Variants in PPFIBP2 observed in about 807,000 individuals in gnomAD.
PPFIBP2 encodes PPFIB scaffold protein 2, also known as liprin-beta-2.
In PPFIBP2, 118 loss-of-function variants were observed where a neutral mutation model predicts 118.3. The ratio of observed to expected loss-of-function variants is 1.00; its 90% CI spans 0.86 to 1.16. The LOEUF is 1.16. PPFIBP2 is among the 50% of genes most tolerant of loss of function. The probability of loss-of-function intolerance (pLI) is 0.00; values close to 1 mark genes in which losing one functional copy is unlikely to be tolerated. For synonymous variants in PPFIBP2, 414 were observed against 397.4 expected (o/e 1.04, Z -0.50); for missense variants, 1,195 against 1,073.1 (o/e 1.11, Z -1.59).
chr11:7,654,310 G>A (rs59758056), downstream of PPFIBP2, among the ~76,000 whole-genome samples: 25,269 of 152,150 alleles, frequency 0.17, 2,416 homozygotes, highest in East Asian at 0.41. Flanking sequence ...CTGGGACTGA[G>A]GTAGAGATGT....
At chr11:7,551,834 G>T (rs975656231) in intron 2 of PPFIBP2, among the ~76,000 whole-genome samples, 13 of 152,182 alleles carry the variant, frequency 8.5e-5, no homozygotes, top group African/African-American at 3.1e-4. Context: ...AATTCATTTT[G>T]TCTCTGAGAG....
downstream of PPFIBP2, among the ~76,000 whole-genome samples, chr11:7,660,831 T>C (rs971299071): frequency 6.6e-6 from 1 of 151,700 alleles, no homozygotes; most frequent in African/African-American, 2.4e-5. Flanking sequence ...CAGATCCTGT[T>C]ATTGGTGCAT....
chr11:7,559,144 A>G (rs1371963177), intron 2 of PPFIBP2, among the ~76,000 whole-genome samples: 3 of 152,228 alleles, frequency 2.0e-5, no homozygotes, highest in Non-Finnish European at 4.4e-5. Context: ...GCTCAAAATG[A>G]AATAAATAGA....
downstream of PPFIBP2, among the ~76,000 whole-genome samples, chr11:7,657,663 G>A (rs1014646011): frequency 6.6e-6 from 1 of 152,076 alleles, no homozygotes; most frequent in Non-Finnish European, 1.5e-5. Flanking sequence ...GTCTGCTCAG[G>A]CCCTTCCCTC....
chr11:7,523,403 C>G (rs1849938976), intron 1 of PPFIBP2, among the ~76,000 whole-genome samples: 2 of 152,206 alleles, frequency 1.3e-5, no homozygotes, highest in Non-Finnish European at 2.9e-5. Context: ...AACATATACA[C>G]AAAGAATACT....
intron 5 of PPFIBP2, among the ~76,000 whole-genome samples, chr11:7,608,644 AAAAC>A (rs71470486): frequency 0.092 from 13,973 of 152,208 alleles, 722 homozygotes; most frequent in Non-Finnish European, 0.11. Flanking sequence ...CTGTCTCAAA[AAAAC>A]AAACAAACAA....
downstream of PPFIBP2, among the ~76,000 whole-genome samples, chr11:7,659,738 C>G (rs1590848315): frequency 1.0e-5 from 1 of 97,424 alleles, no homozygotes; most frequent in African/African-American, 3.3e-5. Context: ...TTACCTTGGG[C>G]AGTATGGCCA....
intron 1 of PPFIBP2, among the ~76,000 whole-genome samples, chr11:7,527,655 G>A (rs141413634): frequency 3.3e-5 from 5 of 152,176 alleles, no homozygotes; most frequent in African/African-American, 1.2e-4. Flanking sequence ...AAAGATGTTG[G>A]GGGGGCCTGG....
At chr11:7,664,740 C>A in the PPFIBP2 span, among the ~76,000 whole-genome samples, 4 of 151,862 alleles carry the variant, frequency 2.6e-5, no homozygotes, top group African/African-American at 9.7e-5. Context: ...GTGGGGTCTC[C>A]CTTGAAAGCA....
intron 22 of PPFIBP2, 132 bp downstream of exon 22, chr11:7,651,097 A>T: frequency 1.0e-6 from 1 of 960,776 alleles, no homozygotes. Context: ...GCATAATTTG[A>T]TGTCTCAAAG....
At chr11:7,562,932 TATATATATATATATA>T (rs1854473205) in intron 2 of PPFIBP2, among the ~76,000 whole-genome samples, 1 of 3,628 alleles carries the variant, frequency 2.8e-4, no homozygotes, top group African/African-American at 1.5e-3. Flanking sequence ...TAAAGTTTTA[TATATATATATATATA>T]TATATATATA....
At position 7,648,504 on chromosome 11, in the gene PPFIBP2, C is replaced by A. The variant is rs753661004; in HGVS notation, c.1764C>A (p.Thr588=). The change falls in exon 18 of 24, where the codon ACC becomes ACA. Residue 588 remains threonine (T), a synonymous_variant. Transcript: ENST00000299492. ...FARQWVSSGH[T]LLTATPQDME... ...GGCAGTGGGTATCTTCTGGCCACACCTTATTGACAGCCACCCCTCAGGACA... is the reference window on the plus strand; with the variant it reads ...GGCAGTGGGTATCTTCTGGCCACACATTATTGACAGCCACCCCTCAGGACA... 19 of 1,613,958 alleles carry A rather than the reference C, an allele frequency of 1.2e-5. No individual in the cohort carries two copies. The highest frequency in any genetic ancestry group is 1.6e-4 in the Middle Eastern group (1 of 6,084).
Position 7,641,474 on chromosome 11 carries a change from C to A in PPFIBP2, c.1376-5C>A, listed in dbSNP as rs1335742279. ...TTCACATTCATTGCCTTCTTCCAATCTCAGGAGACACAGAAAGTGGCTGGG... is the reference window on the plus strand; with the variant it reads ...TTCACATTCATTGCCTTCTTCCAATATCAGGAGACACAGAAAGTGGCTGGG... On this transcript the variant is annotated splice_polypyrimidine_tract_variant and splice_region_variant and intron_variant, in intron 15 of 23. Transcript: ENST00000299492. 6.2e-7 allele frequency: 1 copy of A among 1,613,876 alleles called. No homozygotes were observed. The highest frequency in any genetic ancestry group is 8.5e-7 in the Non-Finnish European group (1 of 1,179,840).
chr11:7,544,645 G>A (rs966712612), intron 1 of PPFIBP2, among the ~76,000 whole-genome samples: 1 of 151,674 alleles, frequency 6.6e-6, no homozygotes, highest in Admixed American at 6.6e-5. Context: ...GTGGTGGCGG[G>A]CACCTGTAGT....
At chr11:7,525,841 G>A (rs969572403) in intron 1 of PPFIBP2, among the ~76,000 whole-genome samples, 2 of 152,218 alleles carry the variant, frequency 1.3e-5, no homozygotes. Flanking sequence ...GCCACACCTG[G>A]AGTGTGCAAA....
chr11:7,634,893 G>A (rs1851244461), intron 13 of PPFIBP2, among the ~76,000 whole-genome samples: 1 of 152,156 alleles, frequency 6.6e-6, no homozygotes, highest in Non-Finnish European at 1.5e-5. Flanking sequence ...AGCCAGGGAA[G>A]ATCTTGACTA....
At chr11:7,619,411 T>C (rs575624188) in intron 6 of PPFIBP2, among the ~76,000 whole-genome samples, 71 of 152,286 alleles carry the variant, frequency 4.7e-4, no homozygotes, top group African/African-American at 1.6e-3. Context: ...GGCTAGAGCA[T>C]AACTAGGGAG....
At position 7,653,599 on chromosome 11, in the gene PPFIBP2, A is replaced by G; in HGVS notation, c.*381A>G. On this transcript the variant is annotated 3_prime_UTR_variant, in exon 24 of 24. Coordinates refer to ENST00000299492, the MANE Select transcript of PPFIBP2 (RefSeq NM_003621.5). ...GCACCCCCTACACTTCAGTTGAGGG[A>G]AAAGCTCAAGTGCCTTAGGCCCGTG... The G allele has an allele frequency of 7.7e-7, 1 of 1,300,208 alleles. No homozygotes were observed. The highest frequency in any genetic ancestry group is 1.0e-6 in the Non-Finnish European group (1 of 996,420). 80.5% of individuals were successfully genotyped at this position (1,300,208 alleles called of 1,614,324 possible).
chr11:7,573,587 G>C (rs1052186898), intron 3 of PPFIBP2, among the ~76,000 whole-genome samples: 3 of 152,224 alleles, frequency 2.0e-5, no homozygotes, highest in African/African-American at 7.2e-5. Flanking sequence ...TACAGGAAAA[G>C]TCTGCCGACC....
Sources: allele counts gnomAD v4.1 joint callset (sites outside exome capture counted in the v4.1 genomes callset), GRCh38; gene constraint gnomAD v4.1.1; transcripts MANE v1.5; gene names NCBI Gene and HGNC (gene_info 2026-07-23, HGNC 2026-07-21).